SLC51A: variants seen among roughly 807,000 people sequenced by gnomAD.
The protein encoded by SLC51A is solute carrier family 51 member A.
SLC51A carries 22 observed loss-of-function variants against 34.8 expected under a neutral mutation model. The observed-to-expected ratio is 0.63, with a 90% CI of 0.45 to 0.90. SLC51A has a LOEUF of 0.90. Among genes scored for constraint, SLC51A ranks in the 40% least tolerant of loss-of-function variants. SLC51A has a pLI of 0.00. For missense variants in SLC51A, 371 were observed against 414.8 expected (o/e 0.89, Z 0.92); for synonymous variants, 181 against 176.3 (o/e 1.03, Z -0.21).
chr3:196,231,563 G>A (rs1412195482), intron 7 of SLC51A, among the ~76,000 whole-genome samples: 1 of 152,196 alleles, frequency 6.6e-6, no homozygotes, highest in East Asian at 1.9e-4. Context: ...AATGAAAGGG[G>A]CTATGGGAAT....
At chr3:196,218,313 C>T (rs964081001) in intron 2 of SLC51A, among the ~76,000 whole-genome samples, 6 of 152,246 alleles carry the variant, frequency 3.9e-5, no homozygotes, top group South Asian at 2.1e-4. Context: ...GCACGGCATC[C>T]GCCCTGGACC....
rs1268485280 is a variant in SLC51A at position 196,227,128 on chromosome 3, C to A, written c.288+9C>A. 1 of 1,612,348 alleles carries A rather than the reference C, an allele frequency of 6.2e-7. No individual in the cohort carries two copies. The highest frequency in any genetic ancestry group is 1.3e-5 in the African/African-American group (1 of 74,874). On this transcript the variant is annotated intron_variant, in intron 3 of 8. Transcript: ENST00000296327. ...AGAGCTCGGCACCCACGGTGAGGCC[C>A]CCGGGGCTGCCCTGTGGGGGGAACT...
intron 1 of SLC51A, among the ~76,000 whole-genome samples, chr3:196,217,332 G>A (rs887288013): frequency 1.3e-5 from 2 of 152,170 alleles, no homozygotes; most frequent in Admixed American, 6.5e-5. Flanking sequence ...CCTGGAGTTC[G>A]AGACCAGTGT....
intron 2 of SLC51A, among the ~76,000 whole-genome samples, chr3:196,220,890 C>CTTTTT: frequency 7.6e-6 from 1 of 132,324 alleles, no homozygotes. Flanking sequence ...CTTAATTTTT[C>CTTTTT]TTTTTTTTTT....
chr3:196,217,093 G>C (rs1224626129), intron 1 of SLC51A, among the ~76,000 whole-genome samples: 1 of 152,204 alleles, frequency 6.6e-6, no homozygotes, highest in Admixed American at 6.5e-5. Flanking sequence ...TTCCTCTCTG[G>C]TCAGTCCCTG....
chr3:196,222,728 A>G (rs1322371267), intron 2 of SLC51A, among the ~76,000 whole-genome samples: 1 of 151,752 alleles, frequency 6.6e-6, no homozygotes, highest in African/African-American at 2.4e-5. Flanking sequence ...AAATGTCAGT[A>G]TGCTCTGCAG....
rs543600841 is a variant in SLC51A, at chr3:196,219,131, C to A, written c.133+1195C>A. Among the ~76,000 whole-genome samples the A allele has an allele frequency of 1.5e-4, 23 of 152,216 alleles. No homozygotes were observed. In the South Asian group the frequency reaches 4.8e-3, roughly 32 times the overall value. ...ATCCCAGCTACTCGGGAGGCTGAGGCAGGAGAGTTGCTTGAACTCGGGAGG... is the reference window on the plus strand; with the variant it reads ...ATCCCAGCTACTCGGGAGGCTGAGGAAGGAGAGTTGCTTGAACTCGGGAGG... On this transcript the variant is annotated intron_variant, in intron 2 of 8. Coordinates refer to ENST00000296327, the MANE Select transcript of SLC51A (RefSeq NM_152672.6).
At position 196,226,996 on chromosome 3, in the gene SLC51A, C is replaced by T; in HGVS notation, c.165C>T (p.Ser55=). The change falls in exon 3 of 9, where the codon AGC becomes AGT. Residue 55 remains serine, a synonymous_variant. Coordinates refer to ENST00000296327, the MANE Select transcript of SLC51A (RefSeq NM_152672.6). The part of the protein sequence containing the change: ...ALGPVELALT[S]ILTLLALGSI... Reference sequence around the variant, plus strand: ...GCCCTGTGGAACTTGCCCTCACTAGCATCCTGACCTTGCTGGCGCTGGGCT... The same window carrying T: ...GCCCTGTGGAACTTGCCCTCACTAGTATCCTGACCTTGCTGGCGCTGGGCT... The T allele has an allele frequency of 6.2e-7, 1 of 1,613,910 alleles. No homozygotes were observed. Among genetic ancestry groups the T allele is most frequent in the Non-Finnish European group, 8.5e-7 (1 of 1,179,896 alleles).
chr3:196,221,546 G>A (rs1244107436), intron 2 of SLC51A, among the ~76,000 whole-genome samples: 3 of 152,060 alleles, frequency 2.0e-5, no homozygotes, highest in East Asian at 1.9e-4. Context: ...GATTACAGGC[G>A]TGAATCACTG....
At chr3:196,226,773 TAAAAAAA>T (rs780868037) in intron 2 of SLC51A, among the ~76,000 whole-genome samples, 185 bp from the exon 3 acceptor site, 1 of 107,582 alleles carries the variant, frequency 9.3e-6, no homozygotes, top group Admixed American at 1.0e-4. Context: ...GGCTCCGTCT[TAAAAAAA>T]AAAAAAAAAG....
chr3:196,226,146 G>A (rs764834617), intron 2 of SLC51A, among the ~76,000 whole-genome samples: 5 of 152,170 alleles, frequency 3.3e-5, no homozygotes, highest in Non-Finnish European at 5.9e-5. Flanking sequence ...GTGAGACCCC[G>A]TCTCTACAGA....
chr3:196,223,354 A>T (rs1723813493), intron 2 of SLC51A, among the ~76,000 whole-genome samples: 1 of 151,938 alleles, frequency 6.6e-6, no homozygotes, highest in South Asian at 2.1e-4. Flanking sequence ...GCCTCCGTGG[A>T]GTGTGCACCA....
Position 196,228,670 on chromosome 3 carries a change from C to T in SLC51A, c.522-139C>T. 6 of 703,438 alleles carry T rather than the reference C, an allele frequency of 8.5e-6. No individual in the cohort carries two copies. The highest frequency in any genetic ancestry group is 5.0e-5 in the Admixed American group (2 of 40,378). The allele number at this position is 703,438 out of a possible 1,614,324, so 43.6% of individuals were successfully genotyped here. ...GCACTCTCAACATTCTGCTTTTTTC[C>T]TCTGTCCCCATCCACTTAACCTGGT... On this transcript the variant is annotated intron_variant, in intron 5 of 8. Transcript: ENST00000296327. The surrounding 1 kb of genome is among the most constrained non-coding windows in gnomAD (Gnocchi z 4.9).
rs1383734641 is a variant in SLC51A at position 196,229,372 on chromosome 3, C to T, written c.633+452C>T. 2.1e-5 allele frequency among the ~76,000 whole-genome samples: 3 copies of T among 145,030 alleles called. No individual in the cohort carries two copies. The South Asian group carries it at 6.8e-4, about 33-fold the overall frequency. ...CCAGCTTGGGCAACATAGTGAGATACCATCTCTTTTTTTTTTTTTTTTTGA... is the reference window on the plus strand; with the variant it reads ...CCAGCTTGGGCAACATAGTGAGATATCATCTCTTTTTTTTTTTTTTTTTGA... On this transcript the variant is annotated intron_variant, in intron 6 of 8. Transcript: ENST00000296327.
In SLC51A at chr3:196,228,123, C is replaced by A; in HGVS notation, c.371C>A (p.Ala124Asp). 6.2e-7 allele frequency: 1 copy of A among 1,613,490 alleles called. No individual in the cohort carries two copies. ...TTCTCTCCCCACCCCAGGTTTTATG[C>A]CGTGTGCTTTTACCTGCTGATGCTG... is the stretch of plus-strand genomic sequence containing the variant. ...LVEMTITSFYAVCFYLLMLVM... is the reference protein window; with the variant it reads ...LVEMTITSFYDVCFYLLMLVM... Residue 124 changes from alanine (A) to aspartate (D), a missense_variant, in exon 5 of 9, where the codon GCC (alanine) becomes GAC (aspartate). Transcript: ENST00000296327. This position sits in a 1 kb window ranked among gnomAD's most constrained non-coding sequence, Gnocchi z 4.9.
chr3:196,219,256 A>G (rs1045554902), intron 2 of SLC51A, among the ~76,000 whole-genome samples: 1 of 152,166 alleles, frequency 6.6e-6, no homozygotes, highest in Non-Finnish European at 1.5e-5. Context: ...AAAGGAAAAG[A>G]AAAAGAAAGT....
At chr3:196,218,056 G>A (rs748770354) in intron 2 of SLC51A, 120 bp downstream of exon 2, 126 of 859,902 alleles carry the variant, frequency 1.5e-4, no homozygotes, top group Non-Finnish European at 5.2e-5. Context: ...TAACTGGCCC[G>A]GTGTCTGTCA....
intron 7 of SLC51A, 42 bp from the exon 8 acceptor site, chr3:196,232,377 G>A: frequency 1.3e-6 from 2 of 1,530,072 alleles, no homozygotes; most frequent in Non-Finnish European, 1.8e-6. Flanking sequence ...GTGCCGTGAG[G>A]GCAGGCCCAG....
intron 1 of SLC51A, among the ~76,000 whole-genome samples, 157 bp from the exon 2 acceptor site, chr3:196,217,685 G>A (rs1469916857): frequency 6.6e-6 from 1 of 151,812 alleles, no homozygotes; most frequent in Admixed American, 6.6e-5. Context: ...AAGAGAGAGT[G>A]AAAGGAAGGA....
Sources: gnomAD v4.1 joint callset for allele counts (sites outside exome capture counted in the v4.1 genomes callset) on GRCh38, gnomAD v4.1.1 for gene constraint, Gnocchi (gnomAD v3.1) non-coding constraint, MANE v1.5 for transcripts, NCBI Gene and HGNC (gene_info 2026-07-23, HGNC 2026-07-21) for gene names.